The following SLC14A2 variants were observed in gnomAD, a reference collection of about 807,000 sequenced individuals.
SLC14A2 encodes the protein solute carrier family 14 member 2.
SLC14A2 carries 91 observed loss-of-function variants against 104.6 expected under a neutral mutation model. The ratio of observed to expected loss-of-function variants is 0.87; its 90% CI spans 0.73 to 1.04. The LOEUF (loss-of-function observed/expected upper bound fraction) is 1.04, where lower values mean the gene tolerates loss of function less well. SLC14A2 is among the 50% of genes least tolerant of loss of function. The pLI is 0.00. For synonymous variants in SLC14A2, 476 were observed against 466.4 expected (o/e 1.02, Z -0.27); for missense variants, 1,189 against 1,156.0 (o/e 1.03, Z -0.41).
intron 10 of SLC14A2, among the ~76,000 whole-genome samples, chr18:45,659,717 C>A (rs2045903733): frequency 6.6e-6 from 1 of 152,234 alleles, no homozygotes; most frequent in African/African-American, 2.4e-5. Context: ...GAAGGACTCT[C>A]ACCTATATTT....
chr18:45,409,097 GA>G (rs2086186858), intron 1 of SLC14A2, among the ~76,000 whole-genome samples: 1 of 152,162 alleles, frequency 6.6e-6, no homozygotes, highest in Non-Finnish European at 1.5e-5. Context: ...CCCCCAAGGA[GA>G]AGTAGAAGAG....
intron 1 of SLC14A2, among the ~76,000 whole-genome samples, chr18:45,301,136 G>T (rs1431733439): frequency 1.3e-5 from 2 of 152,232 alleles, no homozygotes; most frequent in African/African-American, 4.8e-5. Flanking sequence ...ATTTTATAAA[G>T]CATCTTCACT....
chr18:45,537,704 T>G (rs2043817026), intron 2 of SLC14A2, among the ~76,000 whole-genome samples: 1 of 152,168 alleles, frequency 6.6e-6, no homozygotes, highest in Non-Finnish European at 1.5e-5. Context: ...CTGCTGGGTA[T>G]AGAATAGACC....
At chr18:45,387,408 A>G (rs2085909776) in intron 1 of SLC14A2, among the ~76,000 whole-genome samples, 1 of 152,188 alleles carries the variant, frequency 6.6e-6, no homozygotes, top group African/African-American at 2.4e-5. Flanking sequence ...GTAAGGAGAA[A>G]CAGATATTTA....
chr18:45,378,403 C>T (rs1322911976), intron 1 of SLC14A2, among the ~76,000 whole-genome samples: 2 of 152,184 alleles, frequency 1.3e-5, no homozygotes, highest in Admixed American at 6.5e-5. Context: ...TAGAATTGAG[C>T]TTGGATGGCC....
At chr18:45,611,536 A>G (rs2044971702), upstream of SLC14A2, among the ~76,000 whole-genome samples, 1 of 152,232 alleles carries the variant, frequency 6.6e-6, no homozygotes, top group Non-Finnish European at 1.5e-5. Context: ...ACCATGGCAC[A>G]GCACCTGAAA....
intron 1 of SLC14A2, among the ~76,000 whole-genome samples, chr18:45,618,803 T>G (rs954859665): frequency 1.3e-5 from 2 of 148,780 alleles, no homozygotes; most frequent in African/African-American, 4.9e-5. Flanking sequence ...GACTCTGCAC[T>G]AATTCACACC....
chr18:45,310,645 A>G (rs2085069114), intron 1 of SLC14A2, among the ~76,000 whole-genome samples: 1 of 152,220 alleles, frequency 6.6e-6, no homozygotes, highest in Admixed American at 6.5e-5. Context: ...GAGGCAAGGG[A>G]CAGAAAAAGT....
At chr18:45,511,625 C>G (rs1473564476) in intron 2 of SLC14A2, among the ~76,000 whole-genome samples, 2 of 152,118 alleles carry the variant, frequency 1.3e-5, no homozygotes, top group African/African-American at 4.8e-5. Flanking sequence ...GAGTAAGTGC[C>G]ATAACCAGGA....
chr18:45,335,460 T>C (rs946007322), intron 1 of SLC14A2, among the ~76,000 whole-genome samples: 1 of 98,014 alleles, frequency 1.0e-5, no homozygotes, highest in Admixed American at 1.3e-4. Flanking sequence ...CACTATTATA[T>C]GCAGGTATGA....
intron 2 of SLC14A2, among the ~76,000 whole-genome samples, chr18:45,497,878 A>T (rs899931040): frequency 2.0e-5 from 3 of 152,186 alleles, no homozygotes; most frequent in African/African-American, 7.2e-5. Flanking sequence ...GTGCAATCTG[A>T]TTCTGCCTAT....
At chr18:45,286,390 C>T (rs2084814772) in intron 1 of SLC14A2, among the ~76,000 whole-genome samples, 1 of 152,156 alleles carries the variant, frequency 6.6e-6, no homozygotes, top group Admixed American at 6.5e-5. Context: ...TGCACATGCC[C>T]AAAGCTCTCA....
intron 1 of SLC14A2, among the ~76,000 whole-genome samples, chr18:45,393,889 A>G (rs902219309): frequency 2.6e-5 from 4 of 152,334 alleles, no homozygotes; most frequent in African/African-American, 9.6e-5. Context: ...TGGTATCATC[A>G]TCCTTATTTC....
At chr18:45,304,921 T>A (rs988690488) in intron 1 of SLC14A2, among the ~76,000 whole-genome samples, 1 of 152,264 alleles carries the variant, frequency 6.6e-6, no homozygotes, top group African/African-American at 2.4e-5. Flanking sequence ...ATGTCTAACA[T>A]GGCTCAAATA....
chr18:45,437,499 CA>C (rs1415523947), intron 1 of SLC14A2, among the ~76,000 whole-genome samples: 2 of 152,302 alleles, frequency 1.3e-5, no homozygotes, highest in African/African-American at 4.8e-5. Context: ...CCACCTCCTT[CA>C]AGCCTCGCAT....
chr18:45,419,996 A>G (rs2086324400), intron 1 of SLC14A2, among the ~76,000 whole-genome samples: 1 of 152,198 alleles, frequency 6.6e-6, no homozygotes, highest in African/African-American at 2.4e-5. Flanking sequence ...TAAAACAACA[A>G]TAGTCATTTA....
the SLC14A2 span, among the ~76,000 whole-genome samples, chr18:45,169,905 C>T: frequency 6.6e-6 from 1 of 152,166 alleles, no homozygotes; most frequent in Non-Finnish European, 1.5e-5. Flanking sequence ...CAGGGAATAG[C>T]TTTCTCTCAG....
chr18:45,537,158 T>C (rs1399429416), intron 2 of SLC14A2, among the ~76,000 whole-genome samples: 1 of 151,410 alleles, frequency 6.6e-6, no homozygotes, highest in Non-Finnish European at 1.5e-5. Context: ...GTGCTGAAGA[T>C]ATACCAATGA....
intron 1 of SLC14A2, among the ~76,000 whole-genome samples, chr18:45,422,762 T>G (rs1262372750): frequency 1.3e-5 from 2 of 152,196 alleles, no homozygotes; most frequent in Non-Finnish European, 2.9e-5. Context: ...GAGCTGTTGC[T>G]GTCTAAGCTT....
Sources: allele counts gnomAD v4.1 joint callset (sites outside exome capture counted in the v4.1 genomes callset), GRCh38; gene constraint gnomAD v4.1.1; transcripts MANE v1.5; gene names NCBI Gene and HGNC (gene_info 2026-07-23, HGNC 2026-07-21).